Variants in ZNF536 observed in about 807,000 individuals in gnomAD.
The protein encoded by ZNF536 is zinc finger protein 536.
ZNF536 carries 13 observed loss-of-function variants against 84.5 expected under a neutral mutation model. The ratio of observed to expected loss-of-function variants is 0.15; its 90% CI spans 0.10 to 0.24. ZNF536 has a LOEUF of 0.24. Ranked by LOEUF, ZNF536 falls within the 10% of genes least tolerant of loss-of-function variation. The pLI is 1.00. For missense variants in ZNF536, 1,536 were observed against 1,747.5 expected (o/e 0.88, Z 2.16); for synonymous variants, 811 against 742.5 (o/e 1.09, Z -1.50).
At chr19:30,263,328 C>G (rs1973040313) in intron 1 of ZNF536, among the ~76,000 whole-genome samples, 1 of 152,092 alleles carries the variant, frequency 6.6e-6, no homozygotes, top group Admixed American at 6.5e-5. Flanking sequence ...ATTCTGGAAC[C>G]CGGAGCCCCT....
At chr19:30,296,617 GGCTTGGACAGCTCTCA>G (rs1864012041) in intron 2 of ZNF536, among the ~76,000 whole-genome samples, 1 of 152,218 alleles carries the variant, frequency 6.6e-6, no homozygotes, top group Admixed American at 6.5e-5. Context: ...ATGGAAGGCT[GGCTTGGACAGCTCTCA>G]GCTTGCTCTC....
At chr19:30,385,672 T>C (rs555523716) in intron 1 of ZNF536, among the ~76,000 whole-genome samples, 1 of 152,312 alleles carries the variant, frequency 6.6e-6, no homozygotes, top group South Asian at 2.1e-4. Context: ...GACACACCTG[T>C]CCACCCCTGC....
At chr19:30,657,501 G>C (rs565662138) in intron 1 of ZNF536, among the ~76,000 whole-genome samples, 1 of 152,170 alleles carries the variant, frequency 6.6e-6, no homozygotes, top group African/African-American at 2.4e-5. Flanking sequence ...CTCCGACAAC[G>C]TCTTGATCTT....
intron 1 of ZNF536, among the ~76,000 whole-genome samples, chr19:30,413,665 T>A (rs2147739238): frequency 6.6e-6 from 1 of 152,328 alleles, no homozygotes; most frequent in Non-Finnish European, 1.5e-5. Context: ...CATGATGAAT[T>A]TGTTAGTTTT....
At chr19:30,426,111 C>A (rs1166225657) in intron 1 of ZNF536, among the ~76,000 whole-genome samples, 1 of 152,202 alleles carries the variant, frequency 6.6e-6, no homozygotes, top group East Asian at 1.9e-4. Flanking sequence ...AGGATCTCTG[C>A]AACCCCTGAG....
intron 2 of ZNF536, among the ~76,000 whole-genome samples, chr19:30,481,105 C>T (rs1269129176): frequency 6.6e-6 from 1 of 151,292 alleles, no homozygotes; most frequent in African/African-American, 2.4e-5. Flanking sequence ...CCTTGGCTTT[C>T]ATTAAAGATA....
chr19:30,401,171 T>G (rs376102665), intron 1 of ZNF536, among the ~76,000 whole-genome samples: 3 of 152,206 alleles, frequency 2.0e-5, no homozygotes, highest in East Asian at 1.9e-4. Context: ...AAAAATCAAT[T>G]GGCCTTACCT....
intron 1 of ZNF536, among the ~76,000 whole-genome samples, chr19:30,259,888 A>T (rs1268293161): frequency 6.7e-6 from 1 of 149,256 alleles, no homozygotes; most frequent in Non-Finnish European, 1.5e-5. Context: ...TATATCTGGG[A>T]TTACAGGCAC....
intron 4 of ZNF536, among the ~76,000 whole-genome samples, chr19:30,552,558 C>T (rs2045821652): frequency 6.6e-6 from 1 of 152,224 alleles, no homozygotes; most frequent in Admixed American, 6.5e-5. Flanking sequence ...GCATCTCACC[C>T]TATTCTGTGG....
rs1292005666 is a variant in ZNF536 at position 30,466,315 on chromosome 19, G to A, written c.2170+20583G>A. 3.3e-5 allele frequency among the ~76,000 whole-genome samples: 5 copies of A among 151,828 alleles called. No homozygotes were observed. In the East Asian group the frequency reaches 9.7e-4, roughly 29 times the overall value. On this transcript the variant is annotated intron_variant, in intron 2 of 4. Transcript: ENST00000355537. ...CCAGCACTCTGGGAGACTGAAGCAGGAGGATCACTTGATCCCAGGAGTTCA... is the reference window on the plus strand; with the variant it reads ...CCAGCACTCTGGGAGACTGAAGCAGAAGGATCACTTGATCCCAGGAGTTCA...
chr19:30,535,950 CCCTCACCTGGTG>C (rs1194424986), intron 3 of ZNF536, among the ~76,000 whole-genome samples: 1 of 152,084 alleles, frequency 6.6e-6, no homozygotes, highest in Admixed American at 6.6e-5. Context: ...GACAAGAAAC[CCCTCACCTGGTG>C]CCTCACCTGG....
intron 1 of ZNF536, among the ~76,000 whole-genome samples, chr19:30,661,236 C>G (rs1396477722): frequency 6.6e-6 from 1 of 152,178 alleles, no homozygotes; most frequent in Admixed American, 6.5e-5. Context: ...TCTTAGGCAA[C>G]CTTGGGTGTG....
At chr19:30,284,869 A>G (rs1245832561) in intron 2 of ZNF536, among the ~76,000 whole-genome samples, 2 of 140,828 alleles carry the variant, frequency 1.4e-5, no homozygotes, top group African/African-American at 2.8e-5. Flanking sequence ...TACTGAATAT[A>G]TATTTTTTTT....
At chr19:30,547,816 C>A (rs936231814) in intron 3 of ZNF536, 127 bp from the exon 4 acceptor site, 85 of 1,071,400 alleles carry the variant, frequency 7.9e-5, no homozygotes, top group Middle Eastern at 6.4e-4. Context: ...TATTAAAAAA[C>A]AGTTGTTCTC....
At chr19:30,641,132 A>G (rs2049253003) in intron 1 of ZNF536, among the ~76,000 whole-genome samples, 1 of 152,260 alleles carries the variant, frequency 6.6e-6, no homozygotes. Flanking sequence ...TTTAGCATTA[A>G]TAGAAATTTT....
intron 1 of ZNF536, among the ~76,000 whole-genome samples, chr19:30,257,856 G>T (rs1444194664): frequency 6.6e-6 from 1 of 152,186 alleles, no homozygotes; most frequent in African/African-American, 2.4e-5. Context: ...TTTCCTCTTT[G>T]TTCAAACTCT....
chr19:30,265,538 C>T (rs375896027), intron 1 of ZNF536, among the ~76,000 whole-genome samples: 5 of 152,174 alleles, frequency 3.3e-5, no homozygotes, highest in African/African-American at 9.7e-5. Context: ...TTGTCCACCC[C>T]GCATCTCCCT....
intron 1 of ZNF536, among the ~76,000 whole-genome samples, chr19:30,628,807 C>A (rs548638415): frequency 3.7e-4 from 57 of 152,204 alleles, no homozygotes; most frequent in African/African-American, 1.3e-3. Context: ...CTGGTTCAAG[C>A]AATTCTCCTG....
intron 2 of ZNF536, among the ~76,000 whole-genome samples, chr19:30,506,585 C>T (rs1394978876): frequency 6.6e-6 from 1 of 152,220 alleles, no homozygotes; most frequent in African/African-American, 2.4e-5. Flanking sequence ...GGAATGCCCC[C>T]ACACTGTGGA....
Sources: allele counts gnomAD v4.1 joint callset (sites outside exome capture counted in the v4.1 genomes callset), GRCh38; gene constraint gnomAD v4.1.1; transcripts MANE v1.5; gene names NCBI Gene and HGNC (gene_info 2026-07-23, HGNC 2026-07-21).